REV3L: variants seen among roughly 807,000 people sequenced by gnomAD.
REV3L encodes REV3 like, DNA directed polymerase zeta catalytic subunit.
In REV3L, 69 loss-of-function variants were observed where a neutral mutation model predicts 299.4. That is an observed-to-expected ratio of 0.23 (90% CI 0.19 to 0.28). The LOEUF is 0.28. Ranked by LOEUF, REV3L falls within the 10% of genes least tolerant of loss-of-function variation. The pLI, the probability that REV3L is intolerant of heterozygous loss-of-function variation, is 1.00. For missense variants in REV3L, 3,128 were observed against 3,693.8 expected (o/e 0.85, Z 3.97); for synonymous variants, 1,238 against 1,271.4 (o/e 0.97, Z 0.56).
At chr6:111,387,064 T>G (rs532357770) in intron 9 of REV3L, among the ~76,000 whole-genome samples, 6 of 152,258 alleles carry the variant, frequency 3.9e-5, no homozygotes, top group African/African-American at 1.4e-4. Flanking sequence ...ACAACTCAAA[T>G]GCTGATCAAC....
intron 1 of REV3L, 37 bp downstream of exon 1, chr6:111,482,713 G>GACTCCC: frequency 8.2e-7 from 1 of 1,226,578 alleles, no homozygotes; most frequent in Non-Finnish European, 1.0e-6. Context: ...GCGCCCCGCC[G>GACTCCC]ACTCCCGCTC....
At position 111,463,669 on chromosome 6, in the gene REV3L, C is replaced by CT. The variant is rs548928128; in HGVS notation, c.139+19080dup. ...GTTGATAGGTTCTTGGAAACCTAAA[C>CT]TTTAAGAAAAACTTTGTAGCAGATC... On this transcript the variant is annotated intron_variant, in intron 1 of 31. Coordinates refer to ENST00000368802, the MANE Select transcript of REV3L (RefSeq NM_001372078.1). Among the ~76,000 whole-genome samples the CT allele has an allele frequency of 7.2e-5, 11 of 152,240 alleles. No homozygotes were observed. In the East Asian group the frequency reaches 1.9e-3, roughly 27 times the overall value.
chr6:111,343,984 A>G lies in REV3L; in HGVS notation c.7479T>C (p.Phe2493=). The stretch of plus-strand genomic sequence containing the variant: ...ACAAGACTCGAAAGGTAAAGAGGGG[A>G]AAACGCTGATGAAGAACATGAAAGC... ...NVSFHVLHQR[F]PLFTFRVLSD... is the part of the protein sequence containing the mutation. The change falls in exon 21 of 32, where the codon TTT becomes TTC. Residue 2493 remains phenylalanine (F), a synonymous_variant. Coordinates refer to ENST00000368802, the MANE Select transcript of REV3L (RefSeq NM_001372078.1). 1 of 1,613,436 alleles carries G rather than the reference A, an allele frequency of 6.2e-7. No individual in the cohort carries two copies. Among genetic ancestry groups the G allele is most frequent in the Non-Finnish European group, 8.5e-7 (1 of 1,179,668 alleles).
At position 111,311,256 on chromosome 6, in the gene REV3L, G is replaced by A. The variant is rs763765514; in HGVS notation, c.8608C>T (p.Leu2870Phe). The change falls in exon 29 of 32, where the codon CTT becomes TTT. Residue 2870 changes from leucine to phenylalanine, a missense_variant. Around this residue, in one of 9 missense-constraint regions of REV3L, gnomAD observed 294 missense variants for 377.0 expected, o/e 0.78. Transcript: ENST00000368802. ...AATAGCAGCTTTAGAGAACGCTCAA[G>A]TATCTTAAAACAAAAAAGATATGCA... ...RDSCPAVSKI[L>F]ERSLKLLFET... The A allele has an allele frequency of 6.3e-7, 1 of 1,596,408 alleles. No homozygotes were observed. Among genetic ancestry groups the A allele is most frequent in the South Asian group, 1.1e-5 (1 of 88,078 alleles).
At chr6:111,313,631 T>C (rs962441159) in intron 27 of REV3L, 142 bp from the exon 28 acceptor site, 1 of 751,330 alleles carries the variant, frequency 1.3e-6, no homozygotes, top group African/African-American at 1.8e-5. Context: ...AACAAATTCA[T>C]GATATAACAC....
Position 111,482,835 on chromosome 6 carries a change from C to T in REV3L, c.54G>A (p.Gln18=). The change falls in exon 1 of 32, where the codon CAG becomes CAA. Residue 18 remains glutamine (Q), a synonymous_variant. Coordinates refer to ENST00000368802, the MANE Select transcript of REV3L (RefSeq NM_001372078.1). The part of the protein sequence containing the change: ...TADYYMASPL[Q]GLDTCQSPLT... ...GGGGGGATTGGCAGGTATCCAGCCC[C>T]TGCAGCGGGCTGGCCATGTAGTAGT... The T allele has an allele frequency of 2.0e-6, 3 of 1,507,548 alleles. No individual in the cohort carries two copies. The highest frequency in any genetic ancestry group is 5.2e-5 in the Admixed American group (2 of 38,754). The allele number at this position is 1,507,548 out of a possible 1,614,324, so 93.4% of individuals were successfully genotyped here. A position where few individuals can be genotyped will look rare whatever the true frequency, so the allele number is the denominator to read the frequency against.
chr6:111,351,266 CAAT>C (rs2114944045), intron 19 of REV3L, among the ~76,000 whole-genome samples: 1 of 151,466 alleles, frequency 6.6e-6, no homozygotes, highest in East Asian at 1.9e-4. Context: ...GGCAGACAAA[CAAT>C]AAAATTATGG....
Position 111,299,108 on chromosome 6 carries a change from A to G in REV3L, c.*908T>C, listed in dbSNP as rs545037625. ...TAAAACAAAATGATTTCCAGTTTAAAAAACAATGCACTGACCACATAATTC... is the reference window on the plus strand; with the variant it reads ...TAAAACAAAATGATTTCCAGTTTAAGAAACAATGCACTGACCACATAATTC... On this transcript the variant is annotated 3_prime_UTR_variant, in exon 32 of 32. Coordinates refer to ENST00000368802, the MANE Select transcript of REV3L (RefSeq NM_001372078.1). 6.6e-5 allele frequency: 10 copies of G among 152,642 alleles called. No homozygotes were observed. The highest frequency in any genetic ancestry group is 1.9e-4 in the African/African-American group (8 of 41,558). The allele number at this position is 152,642 out of a possible 1,614,324, so 9.5% of individuals were successfully genotyped here.
At chr6:111,316,619 T>C (rs774523674) in intron 26 of REV3L, among the ~76,000 whole-genome samples, 1 of 151,394 alleles carries the variant, frequency 6.6e-6, no homozygotes, top group Non-Finnish European at 1.5e-5. Context: ...TGAGCTGAGA[T>C]TGCGCCATTG....
intron 22 of REV3L, among the ~76,000 whole-genome samples, chr6:111,333,964 A>C (rs963172588): frequency 6.6e-6 from 1 of 152,070 alleles, no homozygotes; most frequent in Non-Finnish European, 1.5e-5. Context: ...TTTGAGATGA[A>C]GTCTCGCTCT....
chr6:111,472,233 G>T, intron 1 of REV3L: 1 of 625,044 alleles, frequency 1.6e-6, no homozygotes, highest in Non-Finnish European at 2.2e-6. Context: ...ATATCAACAT[G>T]TATTCTTATT....
chr6:111,445,337 T>C (rs905520825), intron 1 of REV3L, among the ~76,000 whole-genome samples: 2 of 152,128 alleles, frequency 1.3e-5, no homozygotes, highest in Non-Finnish European at 2.9e-5. Context: ...TCATGCAATA[T>C]ACCCATGTAA....
chr6:111,343,301 A>C (rs1260208318), intron 21 of REV3L, among the ~76,000 whole-genome samples: 1 of 152,214 alleles, frequency 6.6e-6, no homozygotes, highest in Admixed American at 6.5e-5. Context: ...CTTCAAAGCC[A>C]AGATAGATTA....
At position 111,482,923 on chromosome 6, in the gene REV3L, C is replaced by T. The variant is rs920529793; in HGVS notation, c.-35G>A. On this transcript the variant is annotated 5_prime_UTR_variant, in exon 1 of 32. Transcript: ENST00000368802. ...CGCCGCCACTGCCTCCCTTCACTGGCGACCCGGCAGCGGCAGCAGCAGCGG... is the reference window on the plus strand; with the variant it reads ...CGCCGCCACTGCCTCCCTTCACTGGTGACCCGGCAGCGGCAGCAGCAGCGG... 9.4e-6 allele frequency: 14 copies of T among 1,493,428 alleles called. No individual in the cohort carries two copies. Among genetic ancestry groups the T allele is most frequent in the Non-Finnish European group, 1.1e-5 (13 of 1,132,110 alleles). 92.5% of individuals were successfully genotyped at this position (1,493,428 alleles called of 1,614,324 possible). A position where few individuals can be genotyped will look rare whatever the true frequency, so the allele number is the denominator to read the frequency against.
At chr6:111,380,260 T>G (rs753568960) in intron 10 of REV3L, 41 bp from the exon 11 acceptor site, 5 of 554,188 alleles carry the variant, frequency 9.0e-6, no homozygotes, top group Admixed American at 8.0e-5. Context: ...ATAAGTTTTC[T>G]TTTTTTTTTT....
At chr6:111,305,323 G>A (rs1772155406) in intron 31 of REV3L, among the ~76,000 whole-genome samples, 1 of 152,062 alleles carries the variant, frequency 6.6e-6, no homozygotes. Flanking sequence ...CGGGCATCAT[G>A]GTTCATGCCT....
At chr6:111,331,807 G>C (rs1775407524) in intron 23 of REV3L, 23 bp from the exon 24 acceptor site, 1 of 1,394,772 alleles carries the variant, frequency 7.2e-7, no homozygotes, top group African/African-American at 1.4e-5. Context: ...AGAACATTAA[G>C]CAAATACTTC....
intron 19 of REV3L, among the ~76,000 whole-genome samples, chr6:111,349,677 C>G (rs1777401275): frequency 6.6e-6 from 1 of 152,194 alleles, no homozygotes; most frequent in African/African-American, 2.4e-5. Flanking sequence ...AGCAATCCGC[C>G]TGCCTCAGCT....
intron 5 of REV3L, 146 bp downstream of exon 5, chr6:111,392,730 T>G: frequency 5.6e-6 from 3 of 533,650 alleles, no homozygotes; most frequent in Non-Finnish European, 1.0e-5. Flanking sequence ...TGTAATACAC[T>G]AATGTCAAGG....
Sources: gnomAD v4.1 joint callset for allele counts (sites outside exome capture counted in the v4.1 genomes callset) on GRCh38, gnomAD v4.1.1 for gene constraint, gnomAD v4.1.1 regional missense constraint, MANE v1.5 for transcripts, NCBI Gene and HGNC (gene_info 2026-07-23, HGNC 2026-07-21) for gene names.